Variants in AHCYL2 observed in about 807,000 individuals in gnomAD.
AHCYL2 encodes adenosylhomocysteinase like 2.
AHCYL2 carries 28 observed loss-of-function variants against 81.4 expected under a neutral mutation model. The observed-to-expected ratio is 0.34, with a 90% CI of 0.25 to 0.47. The LOEUF (loss-of-function observed/expected upper bound fraction) is 0.47. AHCYL2 is among the 20% of genes least tolerant of loss of function. The probability of loss-of-function intolerance (pLI) is 1.00; values close to 1 mark genes in which losing one functional copy is unlikely to be tolerated. For synonymous variants in AHCYL2, 272 were observed against 290.2 expected (o/e 0.94, Z 0.64); for missense variants, 551 against 785.1 (o/e 0.70, Z 3.56).
intron 1 of AHCYL2, among the ~76,000 whole-genome samples, chr7:129,346,944 T>G (rs891554109): frequency 6.6e-6 from 1 of 152,174 alleles, no homozygotes; most frequent in African/African-American, 2.4e-5. Flanking sequence ...CAATGGAATA[T>G]TATTCAGTGC....
At position 129,405,220 on chromosome 7, in the gene AHCYL2, T is replaced by C; in HGVS notation, c.1142+7T>C. On this transcript the variant is annotated splice_region_variant and intron_variant, in intron 8 of 16. Transcript: ENST00000325006. ...GTGAATCAATTCTTGATGGGTAATGTTTATTATCTTTGAGATGAAGTTGTG... is the reference window on the plus strand; with the variant it reads ...GTGAATCAATTCTTGATGGGTAATGCTTATTATCTTTGAGATGAAGTTGTG... 6.3e-7 allele frequency: 1 copy of C among 1,579,916 alleles called. No individual in the cohort carries two copies. Among genetic ancestry groups the C allele is most frequent in the Non-Finnish European group, 8.6e-7 (1 of 1,160,752 alleles).
chr7:129,375,021 G>A (rs376589169), intron 1 of AHCYL2, among the ~76,000 whole-genome samples: 3 of 151,950 alleles, frequency 2.0e-5, no homozygotes, highest in South Asian at 2.1e-4. Flanking sequence ...TATTTGGCAC[G>A]TAGTAAGATT....
intron 1 of AHCYL2, among the ~76,000 whole-genome samples, chr7:129,256,865 GT>G (rs1387577442): frequency 6.6e-6 from 1 of 151,762 alleles, no homozygotes; most frequent in African/African-American, 2.4e-5. Flanking sequence ...AACTAATAAT[GT>G]GTGAATAAAC....
chr7:129,378,605 A>G (rs1216396666), intron 1 of AHCYL2, among the ~76,000 whole-genome samples: 5 of 152,246 alleles, frequency 3.3e-5, no homozygotes, highest in Non-Finnish European at 4.4e-5. Context: ...TGGCATAGCC[A>G]GAATTTAAAT....
intron 1 of AHCYL2, among the ~76,000 whole-genome samples, chr7:129,268,332 G>A (rs1795887733): frequency 6.6e-6 from 1 of 152,066 alleles, no homozygotes; most frequent in Non-Finnish European, 1.5e-5. Flanking sequence ...GAGTTTGCTT[G>A]TGCTTTCTTT....
At chr7:129,307,292 T>C (rs1057210945) in intron 1 of AHCYL2, among the ~76,000 whole-genome samples, 2 of 152,180 alleles carry the variant, frequency 1.3e-5, no homozygotes, top group Non-Finnish European at 2.9e-5. Flanking sequence ...CCCTATTCCA[T>C]TGCAGCTATG....
At chr7:129,413,449 T>C (rs754142144) in intron 11 of AHCYL2, 145 bp from the exon 12 acceptor site, 2 of 711,556 alleles carry the variant, frequency 2.8e-6, no homozygotes, top group Non-Finnish European at 4.7e-6. Flanking sequence ...CCTGGCCTGC[T>C]TATTTTTAAG....
At chr7:129,343,869 G>A (rs754663083) in intron 1 of AHCYL2, among the ~76,000 whole-genome samples, 11 of 152,094 alleles carry the variant, frequency 7.2e-5, no homozygotes, top group African/African-American at 2.7e-4. Context: ...AGCACAGACT[G>A]GGAGAAAATA....
At chr7:129,392,864 T>C (rs1795537266) in intron 4 of AHCYL2, among the ~76,000 whole-genome samples, 1 of 152,240 alleles carries the variant, frequency 6.6e-6, no homozygotes, top group Non-Finnish European at 1.5e-5. Context: ...TTTCTTTGAT[T>C]TTCATGACCT....
chr7:129,329,460 G>C (rs1199338964), intron 1 of AHCYL2, among the ~76,000 whole-genome samples: 1 of 152,000 alleles, frequency 6.6e-6, no homozygotes, highest in African/African-American at 2.4e-5. Flanking sequence ...GGGATTACAG[G>C]CATGAGCCAT....
At chr7:129,302,312 G>A (rs1272139880) in intron 1 of AHCYL2, among the ~76,000 whole-genome samples, 1 of 150,716 alleles carries the variant, frequency 6.6e-6, no homozygotes, top group Non-Finnish European at 1.5e-5. Context: ...CTACAAACAA[G>A]GATAATGTGA....
rs191923247 is a variant in AHCYL2, at chr7:129,300,508, G to A, written c.363+75069G>A. Among the ~76,000 whole-genome samples, 111 of 152,202 alleles carry A rather than the reference G, an allele frequency of 7.3e-4. 1 individual carries two copies. Among genetic ancestry groups the A allele is most frequent in the African/African-American group, 2.6e-3 (108 of 41,520 alleles). On this transcript the variant is annotated intron_variant, in intron 1 of 16. Transcript: ENST00000325006. ...TTTTATGGCTGAATAGTACTCCATT[G>A]CTTATATGTACCACATTTAAAAAAA... is the stretch of plus-strand genomic sequence containing the variant.
chr7:129,399,464 G>C (rs1305877024), intron 5 of AHCYL2, among the ~76,000 whole-genome samples: 3 of 151,186 alleles, frequency 2.0e-5, no homozygotes, highest in Non-Finnish European at 3.0e-5. Context: ...AAAAAGAAAA[G>C]AAAAGTTAAG....
intron 1 of AHCYL2, among the ~76,000 whole-genome samples, chr7:129,299,555 T>G (rs979197441): frequency 1.3e-5 from 2 of 151,552 alleles, no homozygotes; most frequent in Non-Finnish European, 2.9e-5. Context: ...CACCACGCCG[T>G]GCTAATTTTT....
At chr7:129,246,897 A>G (rs1795082093) in intron 1 of AHCYL2, among the ~76,000 whole-genome samples, 1 of 152,194 alleles carries the variant, frequency 6.6e-6, no homozygotes, top group Non-Finnish European at 1.5e-5. Flanking sequence ...TAGTAGGTTC[A>G]TTCAGTAGTT....
intron 1 of AHCYL2, among the ~76,000 whole-genome samples, chr7:129,257,767 A>G (rs1795476824): frequency 6.6e-6 from 1 of 152,082 alleles, no homozygotes; most frequent in South Asian, 2.1e-4. Context: ...ATAGATTTAT[A>G]CCTCAGTTTG....
In AHCYL2 at chr7:129,422,986, C is replaced by T. The variant is rs546988389; in HGVS notation, c.1560+48C>T. The T allele has an allele frequency of 2.6e-6, 4 of 1,531,948 alleles. No homozygotes were observed. The Admixed American group carries it at 6.8e-5, about 26-fold the overall frequency. The allele number at this position is 1,531,948 out of a possible 1,614,324, so 94.9% of individuals were successfully genotyped here. A position where few individuals can be genotyped will look rare whatever the true frequency, so the allele number is the denominator to read the frequency against. On this transcript the variant is annotated intron_variant, in intron 13 of 16. Transcript: ENST00000325006. ...TACTCCCCCACAACAGGAGAGACTG[C>T]AATACCCAGGTCCCCTCCTCCTCAT...
chr7:129,317,951 G>T (rs1280089359), intron 1 of AHCYL2, among the ~76,000 whole-genome samples: 4 of 152,058 alleles, frequency 2.6e-5, no homozygotes, highest in African/African-American at 9.7e-5. Flanking sequence ...TTTTCAAGGA[G>T]GATTCACACT....
chr7:129,268,229 A>G (rs1795885631), intron 1 of AHCYL2, among the ~76,000 whole-genome samples: 1 of 152,204 alleles, frequency 6.6e-6, no homozygotes, highest in Non-Finnish European at 1.5e-5. Flanking sequence ...GCTATACCTT[A>G]AAGAAGCTCA....
Sources: gnomAD v4.1 joint callset for allele counts (sites outside exome capture counted in the v4.1 genomes callset) on GRCh38, gnomAD v4.1.1 for gene constraint, MANE v1.5 for transcripts, NCBI Gene and HGNC (gene_info 2026-07-23, HGNC 2026-07-21) for gene names.